Variants in BNC2 observed in about 807,000 individuals in gnomAD.
BNC2 encodes the protein basonuclin zinc finger protein 2, also known as zinc finger protein basonuclin-2.
BNC2 carries 20 observed loss-of-function variants against 76.3 expected under a neutral mutation model. The observed-to-expected ratio is 0.26, with a 90% confidence interval of 0.18 to 0.38. BNC2 has a LOEUF of 0.38. BNC2 is among the 10% of genes least tolerant of loss of function. The probability of loss-of-function intolerance (pLI) is 1.00; values close to 1 mark genes in which losing one functional copy is unlikely to be tolerated. For missense variants in BNC2, 1,382 were observed against 1,399.8 expected (o/e 0.99, Z 0.20); for synonymous variants, 582 against 514.8 (o/e 1.13, Z -1.77).
chr9:16,651,082 T>C (rs1036973197), intron 3 of BNC2, among the ~76,000 whole-genome samples: 1 of 152,114 alleles, frequency 6.6e-6, no homozygotes, highest in Non-Finnish European at 1.5e-5. Context: ...ATTTTAAGGA[T>C]TAATGAAAAA....
At chr9:16,444,566 T>C (rs1821193700) in intron 5 of BNC2, among the ~76,000 whole-genome samples, 1 of 152,022 alleles carries the variant, frequency 6.6e-6, no homozygotes, top group Non-Finnish European at 1.5e-5. Context: ...GCTCAGACCA[T>C]TATCTCAGGT....
chr9:16,475,715 C>G (rs918605522), intron 5 of BNC2, among the ~76,000 whole-genome samples: 5 of 152,174 alleles, frequency 3.3e-5, no homozygotes, highest in African/African-American at 9.7e-5. Context: ...GTTGGGAATA[C>G]TTTTGCCTGC....
At chr9:16,461,278 C>T (rs1821573914) in intron 5 of BNC2, among the ~76,000 whole-genome samples, 2 of 152,036 alleles carry the variant, frequency 1.3e-5, no homozygotes, top group Admixed American at 1.3e-4. Flanking sequence ...TGTGTAAGAA[C>T]AAGAATGTGC....
At chr9:16,644,267 G>T (rs1238312397) in intron 3 of BNC2, among the ~76,000 whole-genome samples, 1 of 152,112 alleles carries the variant, frequency 6.6e-6, no homozygotes, top group Non-Finnish European at 1.5e-5. Flanking sequence ...AACCTTAGGT[G>T]GCCCCCTCAA....
chr9:16,620,626 T>C (rs1416888358), intron 3 of BNC2, among the ~76,000 whole-genome samples: 1 of 152,176 alleles, frequency 6.6e-6, no homozygotes, highest in Non-Finnish European at 1.5e-5. Flanking sequence ...GTTTCTTATG[T>C]AGAGCCACCA....
chr9:16,636,346 A>G (rs1214949896), intron 3 of BNC2, among the ~76,000 whole-genome samples: 1 of 152,058 alleles, frequency 6.6e-6, no homozygotes, highest in Non-Finnish European at 1.5e-5. Flanking sequence ...TCTGTCACCC[A>G]AACTGGAGTG....
At chr9:16,746,580 G>A (rs560603583) in intron 1 of BNC2, among the ~76,000 whole-genome samples, 212 of 151,580 alleles carry the variant, frequency 1.4e-3, no homozygotes, top group African/African-American at 4.8e-3. Flanking sequence ...TGGCAGACTG[G>A]TCTCGAACTC....
chr9:16,807,653 A>C (rs1165867765), intron 1 of BNC2, among the ~76,000 whole-genome samples: 1 of 152,192 alleles, frequency 6.6e-6, no homozygotes, highest in Non-Finnish European at 1.5e-5. Context: ...GACAGAAGAC[A>C]CTTAATTCCT....
intron 3 of BNC2, among the ~76,000 whole-genome samples, chr9:16,707,581 A>G (rs150990322): frequency 1.3e-5 from 2 of 152,342 alleles, no homozygotes; most frequent in Non-Finnish European, 2.9e-5. Flanking sequence ...TCTGGGATAC[A>G]TCACTAAAAG....
rs139095886 is a variant in BNC2, at chr9:16,808,251, CTT to C, written c.3+62393_3+62394del. Among the ~76,000 whole-genome samples the C allele has an allele frequency of 7.9e-5, 12 of 152,180 alleles. No homozygotes were observed. In the East Asian group the frequency reaches 2.3e-3, roughly 29 times the overall value. On this transcript the variant is annotated intron_variant, in intron 1 of 6. Transcript: ENST00000380672. ...TAATAGAATACTGACAGCAAATTAT[CTT>C]TTGTTAGGCTAATTACCCACCATTT... is the stretch of plus-strand genomic sequence containing the variant.
chr9:16,427,471 TGAAGGAGCATATTCTAATTACTTC>T (rs1820824798), intron 6 of BNC2, among the ~76,000 whole-genome samples: 1 of 152,236 alleles, frequency 6.6e-6, no homozygotes, highest in Non-Finnish European at 1.5e-5. Flanking sequence ...ATCCTTCTCT[TGAAGGAGCATATTCTAATTACTTC>T]GTAATGTTTT....
At position 16,436,264 on chromosome 9, in the gene BNC2, T is replaced by G; in HGVS notation, c.1930A>C (p.Lys644Gln). The G allele has an allele frequency of 6.2e-7, 1 of 1,614,160 alleles. No individual in the cohort carries two copies. Among genetic ancestry groups the G allele is most frequent in the East Asian group, 2.2e-5 (1 of 44,882 alleles). ...RKSSMPVKIE[K>Q]EIIDTADEFD... is the part of the protein sequence containing the mutation. ...TCATCGGCGGTATCAATAATTTCCT[T>G]CTCAATCTTCACAGGCATGCTTGAC... Residue 644 changes from lysine to glutamine, a missense_variant, in exon 6 of 7, where the codon AAG becomes CAG. By Grantham distance (53) the Lys-to-Gln change is moderately conservative. Coordinates refer to ENST00000380672, the MANE Select transcript of BNC2 (RefSeq NM_017637.6).
intron 3 of BNC2, among the ~76,000 whole-genome samples, chr9:16,614,625 G>T (rs1820643115): frequency 6.8e-6 from 1 of 147,840 alleles, no homozygotes; most frequent in African/African-American, 2.5e-5. Context: ...TATACAGTAA[G>T]GTGATATGGA....
intron 3 of BNC2, among the ~76,000 whole-genome samples, chr9:16,701,571 G>T (rs1166483449): frequency 2.0e-5 from 3 of 152,136 alleles, no homozygotes; most frequent in Non-Finnish European, 4.4e-5. Flanking sequence ...ATTTATTTTA[G>T]ATCTTAAGAT....
intron 3 of BNC2, among the ~76,000 whole-genome samples, chr9:16,664,300 T>C (rs1780042548): frequency 6.6e-6 from 1 of 152,314 alleles, no homozygotes; most frequent in African/African-American, 2.4e-5. Flanking sequence ...ACATATTTTG[T>C]TGCTCAGAGG....
chr9:16,863,623 A>G (rs1288879120), intron 1 of BNC2, among the ~76,000 whole-genome samples: 2 of 152,190 alleles, frequency 1.3e-5, no homozygotes, highest in Non-Finnish European at 2.9e-5. Flanking sequence ...TGAACCCAGG[A>G]GATGGAGGTT....
intron 6 of BNC2, among the ~76,000 whole-genome samples, chr9:16,428,987 C>G (rs1398660077): frequency 6.6e-6 from 1 of 152,200 alleles, no homozygotes; most frequent in African/African-American, 2.4e-5. Context: ...GCCTGCCTCT[C>G]CCTCATACAC....
intron 1 of BNC2, among the ~76,000 whole-genome samples, chr9:16,810,449 T>G (rs978224944): frequency 2.0e-5 from 3 of 152,192 alleles, no homozygotes; most frequent in Admixed American, 2.0e-4. Flanking sequence ...ACAGAGCTGT[T>G]TGTTTACCTC....
chr9:16,754,619 A>G (rs778563952), intron 1 of BNC2, among the ~76,000 whole-genome samples: 10 of 151,868 alleles, frequency 6.6e-5, no homozygotes, highest in Non-Finnish European at 1.2e-4. Context: ...GTGCAGTGGC[A>G]CAATCTCGAC....
Sources: allele counts gnomAD v4.1 joint callset (sites outside exome capture counted in the v4.1 genomes callset), GRCh38; gene constraint gnomAD v4.1.1; transcripts MANE v1.5; gene names NCBI Gene and HGNC (gene_info 2026-07-23, HGNC 2026-07-21).